Variants in CAMK4 observed in about 807,000 individuals in gnomAD.
The protein encoded by CAMK4 is calcium/calmodulin dependent protein kinase IV.
CAMK4 carries 22 observed loss-of-function variants against 44.9 expected under a neutral mutation model. The observed-to-expected ratio is 0.49, with a 90% CI of 0.35 to 0.70. CAMK4 has a LOEUF of 0.70. CAMK4 is among the 30% of genes least tolerant of loss of function. The pLI, the probability that CAMK4 is intolerant of heterozygous loss-of-function variation, is 0.01. For synonymous variants in CAMK4, 218 were observed against 215.4 expected, an observed-to-expected ratio of 1.01 and a Z score of -0.11; for missense variants, 498 against 586.8, an observed-to-expected ratio of 0.85 and a Z score of 1.56.
At chr5:111,310,269 G>A (rs1748143971) in intron 1 of CAMK4, among the ~76,000 whole-genome samples, 1 of 152,142 alleles carries the variant, frequency 6.6e-6, no homozygotes, top group Non-Finnish European at 1.5e-5. Flanking sequence ...AACATCCAAT[G>A]TGTTTAGTAG....
chr5:111,410,815 G>A (rs1752606697), intron 5 of CAMK4, among the ~76,000 whole-genome samples: 1 of 152,086 alleles, frequency 6.6e-6, no homozygotes, highest in South Asian at 2.1e-4. Context: ...GAGCTTCAAG[G>A]CAATGCTATA....
chr5:111,387,269 G>A (rs1267317442), intron 4 of CAMK4, among the ~76,000 whole-genome samples: 3 of 152,014 alleles, frequency 2.0e-5, no homozygotes, highest in South Asian at 2.1e-4. Flanking sequence ...AGTATATTTC[G>A]TATAAAGCTA....
chr5:111,456,587 G>A (rs948909014), intron 7 of CAMK4, among the ~76,000 whole-genome samples: 2 of 151,892 alleles, frequency 1.3e-5, no homozygotes, highest in African/African-American at 4.8e-5. Flanking sequence ...TTTTTAAATA[G>A]TTTTTTAGAT....
At chr5:111,336,150 T>C (rs1271493864) in intron 1 of CAMK4, among the ~76,000 whole-genome samples, 1 of 151,296 alleles carries the variant, frequency 6.6e-6, no homozygotes, top group East Asian at 1.9e-4. Flanking sequence ...GTCTTTTTGC[T>C]GAAGAATATG....
intron 1 of CAMK4, among the ~76,000 whole-genome samples, chr5:111,282,464 T>C (rs1644513): frequency 0.31 from 47,002 of 152,134 alleles, 7,602 homozygotes; most frequent in South Asian, 0.42. Context: ...TTTCTCATTT[T>C]AAAAGTAGAA....
At chr5:111,265,079 A>G (rs1265974531) in intron 1 of CAMK4, among the ~76,000 whole-genome samples, 1 of 151,970 alleles carries the variant, frequency 6.6e-6, no homozygotes, top group African/African-American at 2.4e-5. Context: ...AACTACAGGT[A>G]TCATGTTCAT....
intron 5 of CAMK4, among the ~76,000 whole-genome samples, chr5:111,405,557 T>C (rs1752393396): frequency 6.6e-6 from 1 of 152,228 alleles, no homozygotes; most frequent in African/African-American, 2.4e-5. Context: ...ACTCCTTTTT[T>C]CCCTTTTTAG....
intron 5 of CAMK4, among the ~76,000 whole-genome samples, chr5:111,441,003 G>C (rs1294081775): frequency 6.6e-6 from 1 of 152,154 alleles, no homozygotes; most frequent in Non-Finnish European, 1.5e-5. Flanking sequence ...AATCTGCAAA[G>C]TGGGCGTTGC....
chr5:111,338,832 A>T (rs1027978302), intron 1 of CAMK4, among the ~76,000 whole-genome samples: 5 of 151,168 alleles, frequency 3.3e-5, no homozygotes, highest in Admixed American at 1.3e-4. Context: ...GTCCATTTTT[A>T]ATACCAGTAC....
At chr5:111,427,015 C>G (rs1462706893) in intron 5 of CAMK4, among the ~76,000 whole-genome samples, 1 of 152,116 alleles carries the variant, frequency 6.6e-6, no homozygotes, top group Non-Finnish European at 1.5e-5. Context: ...TATTGAGAGA[C>G]CAGCTGAGGC....
chr5:111,461,243 C>T (rs910940337), intron 7 of CAMK4, among the ~76,000 whole-genome samples: 30 of 152,196 alleles, frequency 2.0e-4, no homozygotes, highest in Admixed American at 3.9e-4. Context: ...CTCAACCTTT[C>T]AGAGCATGGC....
chr5:111,224,767 A>G lies in CAMK4; in HGVS notation c.161+123A>G. 3 of 934,190 alleles carry G rather than the reference A, an allele frequency of 3.2e-6. No individual in the cohort carries two copies. The highest frequency in any genetic ancestry group is 4.7e-6 in the Non-Finnish European group (3 of 635,490). 57.9% of individuals were successfully genotyped at this position (934,190 alleles called of 1,614,324 possible). On this transcript the variant is annotated intron_variant, in intron 1 of 10. Coordinates refer to ENST00000282356, the MANE Select transcript of CAMK4 (RefSeq NM_001744.6). This position sits in a 1 kb window ranked among gnomAD's most constrained non-coding sequence, Gnocchi z 5.7. ...CCCTTCGATTTCTCCCTACCTAGTT[A>G]GTGTCTTGAGAGAGAGCTAACCTTC... is the stretch of plus-strand genomic sequence containing the variant.
At chr5:111,473,864 G>T (rs942438467) in intron 8 of CAMK4, among the ~76,000 whole-genome samples, 2 of 152,038 alleles carry the variant, frequency 1.3e-5, no homozygotes, top group African/African-American at 4.8e-5. Flanking sequence ...TCTTATTTCT[G>T]TTAGGTTTTC....
At chr5:111,393,247 A>G (rs1365587883) in intron 4 of CAMK4, among the ~76,000 whole-genome samples, 2 of 152,192 alleles carry the variant, frequency 1.3e-5, no homozygotes, top group African/African-American at 4.8e-5. Flanking sequence ...TGAACATGCA[A>G]CTTCTTGTGA....
At chr5:111,420,245 G>T (rs1374673524) in intron 5 of CAMK4, among the ~76,000 whole-genome samples, 2 of 152,122 alleles carry the variant, frequency 1.3e-5, no homozygotes, top group African/African-American at 4.8e-5. Context: ...CTCTCTGTCT[G>T]TTATTGGTGT....
chr5:111,273,190 T>G, intron 1 of CAMK4, among the ~76,000 whole-genome samples: 1 of 152,184 alleles, frequency 6.6e-6, no homozygotes, highest in South Asian at 2.1e-4. Context: ...CTTTCTATAT[T>G]TGTTACCATC....
At chr5:111,375,621 A>T (rs1399604703) in intron 3 of CAMK4, among the ~76,000 whole-genome samples, 1 of 152,194 alleles carries the variant, frequency 6.6e-6, no homozygotes, top group African/African-American at 2.4e-5. Context: ...AACTTAACAT[A>T]TGAGTTAGGG....
At chr5:111,459,138 C>T (rs183856526) in intron 7 of CAMK4, among the ~76,000 whole-genome samples, 18 of 152,076 alleles carry the variant, frequency 1.2e-4, no homozygotes, top group Admixed American at 9.8e-4. Flanking sequence ...CAGGCATCCC[C>T]AAGGCAGAAA....
chr5:111,338,297 A>G (rs1660938), intron 1 of CAMK4, among the ~76,000 whole-genome samples: 54,894 of 150,742 alleles, frequency 0.36, 10,736 homozygotes, highest in South Asian at 0.51. Context: ...ATTATTAACT[A>G]TATTATTAAG....
Sources: gnomAD v4.1 joint callset for allele counts (sites outside exome capture counted in the v4.1 genomes callset) on GRCh38, gnomAD v4.1.1 for gene constraint, Gnocchi (gnomAD v3.1) non-coding constraint, MANE v1.5 for transcripts, NCBI Gene and HGNC (gene_info 2026-07-23, HGNC 2026-07-21) for gene names.